SRGAP3: variants seen among roughly 807,000 people sequenced by gnomAD.
The protein encoded by SRGAP3 is SLIT-ROBO Rho GTPase-activating protein 3.
In SRGAP3, 39 loss-of-function variants were observed where a neutral mutation model predicts 121.1. The observed-to-expected ratio is 0.32, with a 90% confidence interval of 0.25 to 0.42. The LOEUF is 0.42. Among genes scored for constraint, SRGAP3 ranks in the 10% least tolerant of loss-of-function variants. The probability of loss-of-function intolerance (pLI) is 1.00; values close to 1 mark genes in which losing one functional copy is unlikely to be tolerated. For missense variants in SRGAP3, 1,213 were observed against 1,470.6 expected (o/e 0.82, Z 2.86); for synonymous variants, 601 against 570.0 (o/e 1.05, Z -0.77).
chr3:9,218,834 G>A lies in SRGAP3; in HGVS notation c.67+30051C>T, dbSNP rs2668360. On this transcript the variant is annotated intron_variant, in intron 1 of 21. Coordinates refer to ENST00000383836, the MANE Select transcript of SRGAP3 (RefSeq NM_014850.4). This position sits in a 1 kb window ranked among gnomAD's most constrained non-coding sequence, Gnocchi z 5.3. ...AATACAGGTGTGAACCACCACACCTGGCTAATTTTTGTATTTTTAGTAGAG... is the reference window on the plus strand; with the variant it reads ...AATACAGGTGTGAACCACCACACCTAGCTAATTTTTGTATTTTTAGTAGAG... 0.42 allele frequency among the ~76,000 whole-genome samples: 63,214 copies of A among 151,332 alleles called. 13,897 individuals carry two copies. The highest frequency in any genetic ancestry group is 0.54 in the African/African-American group (22,327 of 41,244).
chr3:9,036,561 CACAAAACAAAACAAA>C (rs67455921), intron 11 of SRGAP3: 19,006 of 151,042 alleles, frequency 0.13, 1,463 homozygotes, highest in East Asian at 0.36. Flanking sequence ...TTATTTAAAA[CACAAAACAAAACAAA>C]ACAAAACAAA....
At chr3:9,292,182 TGTAGC>T (rs1247725316) in intron 3 of SRGAP3, among the ~76,000 whole-genome samples, 1 of 152,234 alleles carries the variant, frequency 6.6e-6, no homozygotes, top group Non-Finnish European at 1.5e-5. Context: ...GTTCTCAAAC[TGTAGC>T]GTGCATCAGA....
At chr3:9,088,857 G>A (rs1197790009) in intron 3 of SRGAP3, among the ~76,000 whole-genome samples, 1 of 152,084 alleles carries the variant, frequency 6.6e-6, no homozygotes, top group Non-Finnish European at 1.5e-5. Context: ...AAGTACGGTG[G>A]CCCCTTCGGT....
intron 1 of SRGAP3, among the ~76,000 whole-genome samples, chr3:9,231,093 GC>G (rs1953193284): frequency 1.3e-5 from 2 of 152,178 alleles, no homozygotes; most frequent in Non-Finnish European, 2.9e-5. Context: ...GCTTTGTCGA[GC>G]CACTGGAAGT....
intron 18 of SRGAP3, 137 bp from the exon 19 acceptor site, chr3:8,994,660 G>A: frequency 1.7e-6 from 2 of 1,164,064 alleles, no homozygotes; most frequent in Non-Finnish European, 2.5e-6. Context: ...ACGCCTGGTG[G>A]GCTGGGGCTC....
chr3:9,073,207 A>T (rs112217270), intron 4 of SRGAP3, among the ~76,000 whole-genome samples: 17,510 of 152,290 alleles, frequency 0.11, 1,230 homozygotes, highest in African/African-American at 0.19. Context: ...GCAGTGGTGC[A>T]ATCACAGCTC....
intron 14 of SRGAP3, among the ~76,000 whole-genome samples, chr3:9,021,928 T>C (rs1260215684): frequency 6.6e-6 from 1 of 151,850 alleles, no homozygotes; most frequent in African/African-American, 2.4e-5. Flanking sequence ...ACAAAAATTA[T>C]CCAGGCATGA....
In SRGAP3 at chr3:9,248,990, T is replaced by G. The variant is rs1953923151; in HGVS notation, c.-39A>C. The stretch of plus-strand genomic sequence containing the variant: ...CAAAGGAACTGACAGGCTGTTTGAT[T>G]TATTTCTCCTTTTCTTTTCGAGTCC... On this transcript the variant is annotated 5_prime_UTR_variant, in exon 1 of 22. Coordinates refer to ENST00000383836, the MANE Select transcript of SRGAP3 (RefSeq NM_014850.4). The G allele has an allele frequency of 6.3e-7, 1 of 1,598,396 alleles. No individual in the cohort carries two copies. Among genetic ancestry groups the G allele is most frequent in the Admixed American group, 1.7e-5 (1 of 59,990 alleles).
At chr3:9,153,430 C>A (rs560174822) in intron 1 of SRGAP3, among the ~76,000 whole-genome samples, 26 of 152,292 alleles carry the variant, frequency 1.7e-4, no homozygotes, top group African/African-American at 6.0e-4. Context: ...CTCAGAGTCA[C>A]ACAGTTATGA....
chr3:9,089,507 G>T (rs1205695563), intron 3 of SRGAP3, among the ~76,000 whole-genome samples: 1 of 152,168 alleles, frequency 6.6e-6, no homozygotes, highest in Non-Finnish European at 1.5e-5. Context: ...ATGGAGATGA[G>T]TCCAGACCAC....
At chr3:9,180,031 A>C (rs1489113645) in intron 1 of SRGAP3, among the ~76,000 whole-genome samples, 1 of 152,210 alleles carries the variant, frequency 6.6e-6, no homozygotes, top group Non-Finnish European at 1.5e-5. Context: ...TCCCCATTGC[A>C]CTCGGCACAG....
intron 3 of SRGAP3, among the ~76,000 whole-genome samples, chr3:9,273,326 T>C (rs1345347208): frequency 6.6e-6 from 1 of 152,218 alleles, no homozygotes; most frequent in Non-Finnish European, 1.5e-5. Context: ...GTGGTTTTAA[T>C]TTTCATTTCC....
chr3:9,040,958 T>C (rs906689359), intron 10 of SRGAP3, among the ~76,000 whole-genome samples: 1 of 152,248 alleles, frequency 6.6e-6, no homozygotes, highest in Non-Finnish European at 1.5e-5. Context: ...TTCTTAAAAC[T>C]GCGCTGACAC....
chr3:8,990,172 G>C (rs187842560), intron 21 of SRGAP3, among the ~76,000 whole-genome samples: 17 of 152,356 alleles, frequency 1.1e-4, no homozygotes, highest in African/African-American at 3.6e-4. Context: ...AATGAAGAGA[G>C]AAATGAATGA....
In SRGAP3 at chr3:9,312,244, T is replaced by C. The variant is rs553585394; in HGVS notation, n.442+13766A>G. Among the ~76,000 whole-genome samples, 8 of 152,282 alleles carry C rather than the reference T, an allele frequency of 5.3e-5. No individual in the cohort carries two copies. In the South Asian group the frequency reaches 1.7e-3, roughly 32 times the overall value. On this transcript the variant is annotated intron_variant and non_coding_transcript_variant, in intron 3 of 3. Transcript: ENST00000490889. ...ATCTTGGCTCAGTGCAACCTCTGCC[T>C]CCTGGGTTCAAGTGATTCTCCCACC...
rs1945810331 is a variant in SRGAP3 at position 9,056,149 on chromosome 3, T to C, written c.1125+84A>G. On this transcript the variant is annotated intron_variant, in intron 8 of 21. Coordinates refer to ENST00000383836, the MANE Select transcript of SRGAP3 (RefSeq NM_014850.4). ...TTATAAGTGGAACTATCATTTCTTA[T>C]GCACTTCGTGGCACAAGTGGACTCC... 1.1e-5 allele frequency: 14 copies of C among 1,217,480 alleles called. 1 individual carries two copies. In the South Asian group the frequency reaches 1.6e-4, roughly 14 times the overall value. The allele number at this position is 1,217,480 out of a possible 1,614,324, so 75.4% of individuals were successfully genotyped here.
At chr3:9,329,074 T>C (rs1955562137) in intron 2 of SRGAP3, among the ~76,000 whole-genome samples, 1 of 152,122 alleles carries the variant, frequency 6.6e-6, no homozygotes, top group Non-Finnish European at 1.5e-5. Flanking sequence ...TGAGCACGAG[T>C]TTATGGGGTC....
intron 3 of SRGAP3, among the ~76,000 whole-genome samples, chr3:9,303,824 T>G (rs1448818442): frequency 6.6e-6 from 1 of 152,188 alleles, no homozygotes; most frequent in Non-Finnish European, 1.5e-5. Flanking sequence ...ATCAACATTA[T>G]CTTCATCTTA....
intron 5 of SRGAP3, among the ~76,000 whole-genome samples, chr3:9,062,490 C>A (rs560216046): frequency 1.3e-5 from 2 of 152,260 alleles, no homozygotes; most frequent in African/African-American, 4.8e-5. Flanking sequence ...ATTTTCATCA[C>A]CCCAGAAAGA....
Sources: gnomAD v4.1 joint callset for allele counts (sites outside exome capture counted in the v4.1 genomes callset) on GRCh38, gnomAD v4.1.1 for gene constraint, Gnocchi (gnomAD v3.1) non-coding constraint, MANE v1.5 for transcripts, NCBI Gene and HGNC (gene_info 2026-07-23, HGNC 2026-07-21) for gene names.